The following ANO3 variants were observed in gnomAD, a reference collection of about 807,000 sequenced individuals.
ANO3 encodes anoctamin 3.
ANO3 carries 99 observed loss-of-function variants against 144.8 expected under a neutral mutation model. The ratio of observed to expected loss-of-function variants is 0.68; its 90% CI spans 0.58 to 0.81. The LOEUF (loss-of-function observed/expected upper bound fraction) is 0.81, where lower values mean the gene tolerates loss of function less well. ANO3 is among the 30% of genes least tolerant of loss of function. The probability of loss-of-function intolerance (pLI) is 0.00; values close to 1 mark genes in which losing one functional copy is unlikely to be tolerated. For synonymous variants in ANO3, 414 were observed against 392.6 expected (o/e 1.05, Z -0.64); for missense variants, 905 against 1,202.2 (o/e 0.75, Z 3.66).
intron 1 of ANO3, among the ~76,000 whole-genome samples, chr11:26,410,537 G>T (rs532013195): frequency 2.6e-5 from 4 of 151,886 alleles, no homozygotes; most frequent in Non-Finnish European, 5.9e-5. Context: ...GAAGGGAGAT[G>T]ATGTGGCTTG....
intron 14 of ANO3, among the ~76,000 whole-genome samples, chr11:26,595,728 T>C (rs763545698): frequency 6.6e-6 from 1 of 152,184 alleles, no homozygotes; most frequent in Non-Finnish European, 1.5e-5. Flanking sequence ...TTAGGAAATC[T>C]GCTGGGTTAA....
intron 4 of ANO3, among the ~76,000 whole-genome samples, chr11:26,503,278 T>A (rs1202670245): frequency 6.6e-6 from 1 of 152,150 alleles, no homozygotes; most frequent in African/African-American, 2.4e-5. Context: ...CTCTTTCAGA[T>A]AACTCATGAA....
upstream of ANO3, among the ~76,000 whole-genome samples, chr11:26,329,025 ATAAAATACACATT>A (rs1251314146): frequency 6.6e-6 from 1 of 152,046 alleles, no homozygotes; most frequent in Admixed American, 6.6e-5. Flanking sequence ...TAAACATTAT[ATAAAATACACATT>A]TTGCATGTCA....
intron 1 of ANO3, among the ~76,000 whole-genome samples, chr11:26,299,996 G>A (rs1253163429): frequency 5.3e-5 from 8 of 152,140 alleles, no homozygotes; most frequent in Admixed American, 5.2e-4. Flanking sequence ...AGGGAATAAA[G>A]TATGAAGTAG....
At chr11:26,303,439 C>T (rs771218204) in intron 1 of ANO3, among the ~76,000 whole-genome samples, 1 of 152,102 alleles carries the variant, frequency 6.6e-6, no homozygotes, top group Non-Finnish European at 1.5e-5. Context: ...CGAACTAATG[C>T]AGGAACAGAA....
chr11:26,541,007 T>G (rs1213030204), intron 10 of ANO3, among the ~76,000 whole-genome samples: 1 of 152,188 alleles, frequency 6.6e-6, no homozygotes, highest in Non-Finnish European at 1.5e-5. Context: ...GTATGTTTAT[T>G]GCAGCAATAT....
chr11:26,567,990 A>T (rs1299585547), intron 14 of ANO3, among the ~76,000 whole-genome samples: 1 of 152,016 alleles, frequency 6.6e-6, no homozygotes, highest in East Asian at 1.9e-4. Flanking sequence ...GGAAGTAAAC[A>T]GAATTGATTG....
Position 26,496,809 on chromosome 11 carries a change from G to A in ANO3, c.433-11295G>A, listed in dbSNP as rs555773763. 2.7e-3 allele frequency among the ~76,000 whole-genome samples: 405 copies of A among 151,958 alleles called. 2 individuals carry two copies. Among genetic ancestry groups the A allele is most frequent in the African/African-American group, 9.5e-3 (394 of 41,462 alleles). ...TCTGTTTCTGAGTCATTTCACTTAA[G>A]GTAATGGACTCCAGTTCCATCCATG... On this transcript the variant is annotated intron_variant, in intron 4 of 26. Transcript: ENST00000256737.
At chr11:26,195,325 AT>A (rs1282072232) in intron 1 of ANO3, among the ~76,000 whole-genome samples, 14 of 152,172 alleles carry the variant, frequency 9.2e-5, no homozygotes, top group Non-Finnish European at 2.1e-4. Context: ...GTAGCTGGAA[AT>A]TTTACTTTAC....
At chr11:26,494,107 A>C (rs1039265635) in intron 4 of ANO3, among the ~76,000 whole-genome samples, 6 of 152,106 alleles carry the variant, frequency 3.9e-5, no homozygotes, top group African/African-American at 1.2e-4. Flanking sequence ...TTAGATTAAA[A>C]TTTGGGCAAA....
chr11:26,401,101 G>A (rs912596589), intron 1 of ANO3, among the ~76,000 whole-genome samples: 1 of 151,970 alleles, frequency 6.6e-6, no homozygotes, highest in Non-Finnish European at 1.5e-5. Flanking sequence ...TGTATAAAAG[G>A]TTCCTTTCTA....
chr11:26,266,680 G>T (rs186796320), intron 1 of ANO3, among the ~76,000 whole-genome samples: 1 of 151,588 alleles, frequency 6.6e-6, no homozygotes, highest in Admixed American at 6.6e-5. Flanking sequence ...TGGTCCACCC[G>T]CCTTGGCCTC....
intron 1 of ANO3, among the ~76,000 whole-genome samples, chr11:26,388,034 A>C (rs12274319): frequency 1.2e-3 from 184 of 151,232 alleles, no homozygotes; most frequent in African/African-American, 4.3e-3. Context: ...TTTTATGGCT[A>C]TATTTATATT....
At chr11:26,641,642 G>C (rs1853153805) in intron 21 of ANO3, among the ~76,000 whole-genome samples, 1 of 152,058 alleles carries the variant, frequency 6.6e-6, no homozygotes, top group South Asian at 2.1e-4. Flanking sequence ...ATAGGACCTA[G>C]GAGAGTTCTG....
intron 4 of ANO3, among the ~76,000 whole-genome samples, chr11:26,502,938 T>C (rs1024129042): frequency 1.3e-5 from 2 of 152,000 alleles, no homozygotes; most frequent in Admixed American, 6.5e-5. Context: ...ACAGGTTCCT[T>C]GTGCAAATGG....
chr11:26,283,496 A>C (rs1234421134), intron 1 of ANO3, among the ~76,000 whole-genome samples: 1 of 151,622 alleles, frequency 6.6e-6, no homozygotes, highest in East Asian at 1.9e-4. Flanking sequence ...TAATTATGTA[A>C]AACATTCAAC....
intron 3 of ANO3, among the ~76,000 whole-genome samples, chr11:26,448,969 G>T (rs931926244): frequency 1.3e-5 from 2 of 152,152 alleles, no homozygotes; most frequent in Non-Finnish European, 2.9e-5. Context: ...AGGACTCACA[G>T]AAAGCTTTAA....
intron 14 of ANO3, among the ~76,000 whole-genome samples, chr11:26,568,002 G>A (rs1353143527): frequency 2.0e-5 from 3 of 152,008 alleles, no homozygotes; most frequent in Admixed American, 2.0e-4. Context: ...AATTGATTGG[G>A]TGGAGCATGG....
chr11:26,359,452 G>C (rs1855866519), intron 1 of ANO3, among the ~76,000 whole-genome samples: 1 of 152,170 alleles, frequency 6.6e-6, no homozygotes, highest in South Asian at 2.1e-4. Context: ...CTGGGCTCAA[G>C]AAGTTTCACA....
Sources: gnomAD v4.1 joint callset for allele counts (sites outside exome capture counted in the v4.1 genomes callset) on GRCh38, gnomAD v4.1.1 for gene constraint, MANE v1.5 for transcripts, NCBI Gene and HGNC (gene_info 2026-07-23, HGNC 2026-07-21) for gene names.